The following ARHGAP32 variants were observed in gnomAD, a reference collection of about 807,000 sequenced individuals.
The protein encoded by ARHGAP32 is rho GTPase-activating protein 32.
In ARHGAP32, 51 loss-of-function variants were observed where a neutral mutation model predicts 186.5. That is an observed-to-expected ratio of 0.27 (90% confidence interval 0.22 to 0.35). The LOEUF (loss-of-function observed/expected upper bound fraction) is 0.35. ARHGAP32 is among the 10% of genes least tolerant of loss of function. ARHGAP32 has a pLI of 1.00. For missense variants in ARHGAP32, 2,186 were observed against 2,623.5 expected (o/e 0.83, Z 3.64); for synonymous variants, 950 against 964.3 (o/e 0.99, Z 0.27).
intron 1 of ARHGAP32, among the ~76,000 whole-genome samples, chr11:129,203,410 A>C (rs1944479904): frequency 6.6e-6 from 1 of 152,228 alleles, no homozygotes; most frequent in African/African-American, 2.4e-5. Context: ...TGAATAAAAC[A>C]TATCAGAATC....
chr11:129,084,625 T>G (rs77851039), intron 6 of ARHGAP32, among the ~76,000 whole-genome samples: 3,856 of 152,046 alleles, frequency 0.025, 101 homozygotes, highest in African/African-American at 0.062. Flanking sequence ...CATAAAAAAC[T>G]CTCAGCAAAC....
At chr11:128,986,421 C>T in intron 14 of ARHGAP32, 103 bp downstream of exon 14, 1 of 1,283,248 alleles carries the variant, frequency 7.8e-7, no homozygotes, top group Non-Finnish European at 1.1e-6. Context: ...ATTTCAGTCA[C>T]AGAACTATTT....
At chr11:129,216,695 A>G (rs1284831727) in intron 1 of ARHGAP32, among the ~76,000 whole-genome samples, 1 of 147,576 alleles carries the variant, frequency 6.8e-6, no homozygotes, top group Non-Finnish European at 1.5e-5. Flanking sequence ...AAAAAAAAAG[A>G]CAATCTTTCA....
chr11:128,982,145 A>G (rs1945721343), intron 15 of ARHGAP32, among the ~76,000 whole-genome samples: 1 of 152,226 alleles, frequency 6.6e-6, no homozygotes, highest in South Asian at 2.1e-4. Flanking sequence ...GGAACAAATA[A>G]TATTTTGAAG....
At chr11:129,139,508 T>G (rs560041408) in intron 2 of ARHGAP32, among the ~76,000 whole-genome samples, 17 of 152,198 alleles carry the variant, frequency 1.1e-4, no homozygotes, top group Non-Finnish European at 2.4e-4. Context: ...GATCTTGAAT[T>G]GTAACTCCCA....
At chr11:129,086,687 G>A (rs953851794) in intron 6 of ARHGAP32, among the ~76,000 whole-genome samples, 14 of 152,152 alleles carry the variant, frequency 9.2e-5, no homozygotes, top group Admixed American at 6.5e-4. Flanking sequence ...CGGGCGTGGT[G>A]GTGGGCGCCT....
At chr11:129,232,205 G>A (rs1050600424) in intron 1 of ARHGAP32, among the ~76,000 whole-genome samples, 1 of 151,996 alleles carries the variant, frequency 6.6e-6, no homozygotes, top group African/African-American at 2.4e-5. Context: ...GGTGACATTA[G>A]TGTAGCTACA....
At chr11:129,138,968 A>G (rs918052111) in intron 2 of ARHGAP32, among the ~76,000 whole-genome samples, 2 of 152,176 alleles carry the variant, frequency 1.3e-5, no homozygotes, top group African/African-American at 2.4e-5. Context: ...AAAACCTACC[A>G]TGTCTAAAAC....
In ARHGAP32 at chr11:128,969,810, G is replaced by C. The variant is rs1172427610; in HGVS notation, c.5403C>G (p.Ile1801Met). The C allele has an allele frequency of 6.2e-7, 1 of 1,614,168 alleles. No homozygotes were observed. Among genetic ancestry groups the C allele is most frequent in the Non-Finnish European group, 8.5e-7 (1 of 1,180,036 alleles). Residue 1801 changes from isoleucine to methionine, a missense_variant, in exon 23 of 23, where the codon ATC (isoleucine) becomes ATG (methionine). Physicochemically the swap from Ile to Met is conservative, Grantham distance 10. This residue lies in a region of ARHGAP32 where 1,502 missense variants were observed against 1,570.0 expected (regional missense o/e 0.96). Coordinates refer to ENST00000682385, the MANE Select transcript of ARHGAP32 (RefSeq NM_001378024.1). The surrounding 1 kb of genome is among the most constrained non-coding windows in gnomAD (Gnocchi z 4.8). Reference sequence around the variant, plus strand: ...ATTTACTACGCAGATGGATGACATAGATCCCACCCAAGTCGTCCTGCACCG... The same window carrying C: ...ATTTACTACGCAGATGGATGACATACATCCCACCCAAGTCGTCCTGCACCG... ...TPAVQDDLGGIYVIHLRSKSD... is the reference protein window; with the variant it reads ...TPAVQDDLGGMYVIHLRSKSD...
chr11:129,112,979 A>C (rs1218344313), intron 5 of ARHGAP32, among the ~76,000 whole-genome samples: 1 of 152,168 alleles, frequency 6.6e-6, no homozygotes, highest in Non-Finnish European at 1.5e-5. Flanking sequence ...CTTTTTTAAA[A>C]AATAATAGTC....
chr11:129,062,911 T>C (rs912878442), intron 9 of ARHGAP32, among the ~76,000 whole-genome samples: 8 of 152,126 alleles, frequency 5.3e-5, no homozygotes, highest in Non-Finnish European at 7.4e-5. Context: ...TTTCAATAGA[T>C]AGTAAAATAT....
chr11:129,160,738 T>A (rs1943511980), intron 2 of ARHGAP32, among the ~76,000 whole-genome samples: 1 of 152,160 alleles, frequency 6.6e-6, no homozygotes, highest in South Asian at 2.1e-4. Flanking sequence ...CTGCCCAAGG[T>A]AATTTATAGA....
At chr11:129,224,768 CAAA>C (rs57944399) in intron 1 of ARHGAP32, among the ~76,000 whole-genome samples, 1 of 104,276 alleles carries the variant, frequency 9.6e-6, no homozygotes, top group Non-Finnish European at 1.8e-5. Context: ...TTGGCTAGAG[CAAA>C]AAAAAAAAAA....
intron 5 of ARHGAP32, among the ~76,000 whole-genome samples, chr11:129,106,360 C>T (rs149092992): frequency 9.9e-5 from 15 of 152,174 alleles, no homozygotes; most frequent in Admixed American, 7.9e-4. Flanking sequence ...GAAAAAACCA[C>T]GTCCTTTGCA....
intron 2 of ARHGAP32, among the ~76,000 whole-genome samples, chr11:129,146,451 A>T (rs1286984933): frequency 1.3e-5 from 2 of 152,166 alleles, no homozygotes; most frequent in African/African-American, 4.8e-5. Flanking sequence ...ATACATTAGT[A>T]TATACAGGGT....
At chr11:129,030,696 G>A (rs1939076195) in intron 11 of ARHGAP32, 1 of 152,156 alleles carries the variant, frequency 6.6e-6, no homozygotes, top group South Asian at 2.1e-4. Context: ...CCCCCACCAT[G>A]GTTCTGTGAA....
chr11:129,124,778 GA>G, intron 3 of ARHGAP32, 24 bp downstream of exon 3: 1 of 1,507,390 alleles, frequency 6.6e-7, no homozygotes, highest in Non-Finnish European at 9.0e-7. Context: ...AATTCATTTA[GA>G]ATCCACTGTA....
chr11:129,111,604 G>C lies in ARHGAP32; in HGVS notation c.444+11842C>G, dbSNP rs1207414977. ...TTATTGGTATGTTCCGGTTTTCTAA[G>C]TCTTCCTGATTCAATTTTAGTAGGC... On this transcript the variant is annotated intron_variant, in intron 5 of 22. Transcript: ENST00000682385. 2.0e-5 allele frequency among the ~76,000 whole-genome samples: 3 copies of C among 152,076 alleles called. No individual in the cohort carries two copies. In the East Asian group the frequency reaches 5.8e-4, roughly 29 times the overall value.
chr11:129,228,397 A>G (rs775748562), intron 1 of ARHGAP32, among the ~76,000 whole-genome samples: 1 of 152,346 alleles, frequency 6.6e-6, no homozygotes, highest in East Asian at 1.9e-4. Flanking sequence ...AAAAAATAAG[A>G]GTAAAATCAA....
Sources: gnomAD v4.1 joint callset for allele counts (sites outside exome capture counted in the v4.1 genomes callset) on GRCh38, gnomAD v4.1.1 for gene constraint, gnomAD v4.1.1 regional missense constraint, Gnocchi (gnomAD v3.1) non-coding constraint, MANE v1.5 for transcripts, NCBI Gene and HGNC (gene_info 2026-07-23, HGNC 2026-07-21) for gene names.